Variants in OPCML observed in about 807,000 individuals in gnomAD.
OPCML encodes the protein opioid binding protein/cell adhesion molecule like.
In OPCML, 13 loss-of-function variants were observed where a neutral mutation model predicts 37.8. The observed-to-expected ratio is 0.34, with a 90% CI of 0.22 to 0.55. The LOEUF (loss-of-function observed/expected upper bound fraction) is 0.55. Ranked by LOEUF, OPCML falls within the 20% of genes least tolerant of loss-of-function variation. The pLI, the probability that OPCML is intolerant of heterozygous loss-of-function variation, is 0.91. For synonymous variants in OPCML, 176 were observed against 168.8 expected, an observed-to-expected ratio of 1.04 and a Z score of -0.33; for missense variants, 341 against 435.6, an observed-to-expected ratio of 0.78 and a Z score of 1.93.
At chr11:132,433,701 C>A (rs1014464074) in intron 7 of OPCML, among the ~76,000 whole-genome samples, 3 of 152,112 alleles carry the variant, frequency 2.0e-5, no homozygotes, top group African/African-American at 7.2e-5. Context: ...AAGGGTGGGA[C>A]CCTGATCCAA....
intron 3 of OPCML, among the ~76,000 whole-genome samples, chr11:132,535,264 A>T (rs1181182110): frequency 6.6e-6 from 1 of 152,080 alleles, no homozygotes; most frequent in African/African-American, 2.4e-5. Flanking sequence ...AAACTGAGCT[A>T]TTGGGCCTAA....
intron 1 of OPCML, among the ~76,000 whole-genome samples, chr11:132,952,421 T>C (rs1039771272): frequency 2.0e-5 from 3 of 152,208 alleles, no homozygotes; most frequent in Admixed American, 1.3e-4. Context: ...GATAGCTGCT[T>C]GCACAATTAA....
chr11:132,647,064 A>C (rs58349478), intron 3 of OPCML, among the ~76,000 whole-genome samples: 6,868 of 152,306 alleles, frequency 0.045, 371 homozygotes, highest in African/African-American at 0.13. Context: ...AAGGATGTGT[A>C]TTGTAAATGA....
chr11:132,884,501 G>C (rs1164301366), intron 2 of OPCML, among the ~76,000 whole-genome samples: 2 of 152,184 alleles, frequency 1.3e-5, no homozygotes, highest in Non-Finnish European at 2.9e-5. Flanking sequence ...TATTTGACTA[G>C]ATCTTAGAAA....
At chr11:132,786,352 A>G (rs1947211400) in intron 2 of OPCML, among the ~76,000 whole-genome samples, 1 of 152,218 alleles carries the variant, frequency 6.6e-6, no homozygotes. Context: ...ACAATAGTAC[A>G]CATTTAAGGT....
chr11:132,506,178 C>G (rs1293477292), intron 4 of OPCML, among the ~76,000 whole-genome samples: 2 of 152,126 alleles, frequency 1.3e-5, no homozygotes, highest in African/African-American at 4.8e-5. Context: ...AGGAAATACT[C>G]CAATTGCATT....
At chr11:132,818,292 T>A (rs1939746143) in intron 2 of OPCML, among the ~76,000 whole-genome samples, 1 of 152,184 alleles carries the variant, frequency 6.6e-6, no homozygotes, top group African/African-American at 2.4e-5. Context: ...TTTTATCTTT[T>A]CTTCAATTTG....
chr11:133,147,737 G>A (rs1949917719), intron 1 of OPCML, among the ~76,000 whole-genome samples: 3 of 152,138 alleles, frequency 2.0e-5, no homozygotes, highest in African/African-American at 4.8e-5. Context: ...AGGCACCAGA[G>A]CAGACAGGTC....
chr11:132,452,832 C>T (rs554817633), intron 4 of OPCML, among the ~76,000 whole-genome samples: 2 of 152,292 alleles, frequency 1.3e-5, no homozygotes, highest in Non-Finnish European at 2.9e-5. Flanking sequence ...ACCAGCCAGA[C>T]GGGCAGCCCC....
At chr11:133,063,087 G>C (rs1455376851) in intron 1 of OPCML, among the ~76,000 whole-genome samples, 1 of 152,228 alleles carries the variant, frequency 6.6e-6, no homozygotes, top group Non-Finnish European at 1.5e-5. Context: ...CACGTGCTGT[G>C]AGTTCTACCG....
chr11:133,359,524 G>C (rs1264471167), intron 1 of OPCML, among the ~76,000 whole-genome samples: 2 of 152,016 alleles, frequency 1.3e-5, no homozygotes, highest in Non-Finnish European at 2.9e-5. Flanking sequence ...ACTTGAAAAA[G>C]TTCTTCGAGG....
chr11:132,520,008 G>A (rs536757631), intron 4 of OPCML, among the ~76,000 whole-genome samples: 1 of 152,184 alleles, frequency 6.6e-6, no homozygotes, highest in Non-Finnish European at 1.5e-5. Context: ...GAACAACAGG[G>A]ACCTACAGCG....
chr11:132,923,951 T>C (rs1211072163), intron 2 of OPCML, among the ~76,000 whole-genome samples: 2 of 151,698 alleles, frequency 1.3e-5, no homozygotes, highest in Non-Finnish European at 2.9e-5. Context: ...TTAGGAGAGA[T>C]GGAGTTTCTC....
chr11:133,288,425 G>C (rs1209582153), intron 1 of OPCML, among the ~76,000 whole-genome samples: 5 of 152,186 alleles, frequency 3.3e-5, no homozygotes, highest in African/African-American at 1.2e-4. Flanking sequence ...CTGTTTCTCA[G>C]CACTTGTGCT....
chr11:132,901,736 C>T (rs2136502610), intron 2 of OPCML, among the ~76,000 whole-genome samples: 1 of 152,218 alleles, frequency 6.6e-6, no homozygotes, highest in Non-Finnish European at 1.5e-5. Flanking sequence ...GCAGTAGAAT[C>T]ATCAGTAGTA....
chr11:133,021,430 T>C (rs1947448698), intron 1 of OPCML, among the ~76,000 whole-genome samples: 1 of 152,054 alleles, frequency 6.6e-6, no homozygotes, highest in Non-Finnish European at 1.5e-5. Flanking sequence ...TTTTCTGTGA[T>C]ACACCCCAGT....
At chr11:133,301,445 A>C (rs1261966976) in intron 1 of OPCML, 1 of 152,214 alleles carries the variant, frequency 6.6e-6, no homozygotes, top group Non-Finnish European at 1.5e-5. Flanking sequence ...ATTTGGTCTC[A>C]CCACAAAAAT....
Position 133,485,263 on chromosome 11 carries a change from G to A in OPCML, c.61+47001C>T, listed in dbSNP as rs190135550. Among the ~76,000 whole-genome samples the A allele has an allele frequency of 2.0e-5, 3 of 152,260 alleles. No individual in the cohort carries two copies. In the East Asian group the frequency reaches 5.8e-4, roughly 29 times the overall value. On this transcript the variant is annotated intron_variant, in intron 1 of 7. Coordinates refer to ENST00000524381, the MANE Select transcript of OPCML (RefSeq NM_001012393.5). ...CAGCATTAAGCAGTTATAAAGTACAGTTATAAGGGAAACCCTTTCAAAACA... is the reference window on the plus strand; with the variant it reads ...CAGCATTAAGCAGTTATAAAGTACAATTATAAGGGAAACCCTTTCAAAACA...
chr11:133,237,331 C>T (rs1940559026), intron 1 of OPCML, among the ~76,000 whole-genome samples: 1 of 152,202 alleles, frequency 6.6e-6, no homozygotes, highest in South Asian at 2.1e-4. Flanking sequence ...ATCACCTGAT[C>T]ACTTTTCTGT....
Sources: allele counts gnomAD v4.1 joint callset (sites outside exome capture counted in the v4.1 genomes callset), GRCh38; gene constraint gnomAD v4.1.1; transcripts MANE v1.5; gene names NCBI Gene and HGNC (gene_info 2026-07-23, HGNC 2026-07-21).